Variants in EYS observed in about 807,000 individuals in gnomAD.
The protein encoded by EYS is protein eyes shut homolog.
EYS carries 250 observed loss-of-function variants against 282.1 expected under a neutral mutation model. That is an observed-to-expected ratio of 0.89 (90% CI 0.80 to 0.98). EYS has a LOEUF of 0.98. Ranked by LOEUF, EYS falls within the 50% of genes least tolerant of loss-of-function variation. The probability of loss-of-function intolerance (pLI) is 0.00; values close to 1 mark genes in which losing one functional copy is unlikely to be tolerated. For synonymous variants in EYS, 1,355 were observed against 1,282.9 expected, an observed-to-expected ratio of 1.06 and a Z score of -1.20; for missense variants, 4,016 against 3,709.0, an observed-to-expected ratio of 1.08 and a Z score of -2.15.
chr6:64,427,559 A>T (rs537865393), intron 28 of EYS, among the ~76,000 whole-genome samples: 19 of 152,252 alleles, frequency 1.2e-4, no homozygotes, highest in South Asian at 2.1e-4. Flanking sequence ...ATTATATATT[A>T]AAAAAGGCCA....
intron 26 of EYS, among the ~76,000 whole-genome samples, chr6:64,476,403 T>A (rs1776267393): frequency 2.0e-5 from 3 of 152,058 alleles, no homozygotes; most frequent in Admixed American, 6.6e-5. Context: ...GTTTCTCCAC[T>A]TCCAGATTTA....
At chr6:64,449,382 G>A (rs1443201480) in intron 26 of EYS, among the ~76,000 whole-genome samples, 2 of 152,136 alleles carry the variant, frequency 1.3e-5, no homozygotes, top group Non-Finnish European at 2.9e-5. Context: ...ACGTCTCATT[G>A]GTGTACCTGA....
intron 7 of EYS, among the ~76,000 whole-genome samples, chr6:65,394,762 A>G (rs1486617767): frequency 6.6e-6 from 1 of 152,050 alleles, no homozygotes; most frequent in Non-Finnish European, 1.5e-5. Flanking sequence ...CACTTCTTTC[A>G]TATTCTTCTT....
chr6:64,724,799 A>G (rs1439448617), intron 22 of EYS, among the ~76,000 whole-genome samples: 2 of 152,186 alleles, frequency 1.3e-5, no homozygotes, highest in Non-Finnish European at 2.9e-5. Context: ...CAAAATTAAA[A>G]CAAATAGGTA....
intron 40 of EYS, among the ~76,000 whole-genome samples, chr6:63,769,370 C>T (rs1462063617): frequency 6.6e-6 from 1 of 151,814 alleles, no homozygotes. Flanking sequence ...ATTAAATAGA[C>T]TAGCAGGCAA....
intron 26 of EYS, among the ~76,000 whole-genome samples, chr6:64,462,834 C>A (rs2150486341): frequency 1.3e-5 from 2 of 151,958 alleles, no homozygotes; most frequent in East Asian, 3.9e-4. Flanking sequence ...TTATCTTTAA[C>A]TGGAATGCTA....
At chr6:64,349,313 T>C (rs1253402943) in intron 29 of EYS, among the ~76,000 whole-genome samples, 6 of 151,170 alleles carry the variant, frequency 4.0e-5, no homozygotes, top group African/African-American at 1.5e-4. Flanking sequence ...TAATATGTAT[T>C]TTAGAGATAT....
intron 30 of EYS, among the ~76,000 whole-genome samples, chr6:64,286,398 C>T (rs1055258324): frequency 2.0e-5 from 3 of 152,128 alleles, no homozygotes; most frequent in African/African-American, 7.2e-5. Context: ...ATTGTCTGCA[C>T]TTTAAATCTT....
In EYS at chr6:65,542,691, G is replaced by T. The variant is rs530702497; in HGVS notation, c.-332-46698C>A. ...GTTATTTAAGGGATGGCTCAAAGAT[G>T]ATTTATAACCCCAACTCTATTTCAA... On this transcript the variant is annotated intron_variant, in intron 2 of 42. Transcript: ENST00000503581. 4.6e-5 allele frequency among the ~76,000 whole-genome samples: 7 copies of T among 152,118 alleles called. No homozygotes were observed. In the South Asian group the frequency reaches 1.5e-3, roughly 32 times the overall value.
At chr6:64,949,262 C>A (rs1019559630) in intron 14 of EYS, among the ~76,000 whole-genome samples, 1 of 151,864 alleles carries the variant, frequency 6.6e-6, no homozygotes, top group Non-Finnish European at 1.5e-5. Flanking sequence ...CCTTTGCTTT[C>A]GGTCTCACCA....
At chr6:64,646,529 C>A (rs1768356596) in intron 22 of EYS, among the ~76,000 whole-genome samples, 1 of 152,064 alleles carries the variant, frequency 6.6e-6, no homozygotes, top group East Asian at 1.9e-4. Flanking sequence ...ATAGGCAGGG[C>A]GCGGTGACTC....
intron 11 of EYS, chr6:65,301,081 G>A (rs1000052502): frequency 1.3e-5 from 2 of 152,120 alleles, no homozygotes; most frequent in Non-Finnish European, 1.5e-5. Flanking sequence ...TCGAGTATTC[G>A]GCTTATTTAG....
At chr6:65,641,289 T>G (rs890616300) in intron 1 of EYS, among the ~76,000 whole-genome samples, 4 of 152,216 alleles carry the variant, frequency 2.6e-5, no homozygotes, top group African/African-American at 9.6e-5. Flanking sequence ...ACTCTGCATT[T>G]GTAATATTCA....
At chr6:64,505,434 G>C (rs998460208) in intron 26 of EYS, among the ~76,000 whole-genome samples, 23 of 152,036 alleles carry the variant, frequency 1.5e-4, no homozygotes, top group Non-Finnish European at 3.4e-4. Flanking sequence ...CACTGCTTTC[G>C]TATTTCAGGC....
At position 65,111,123 on chromosome 6, in the gene EYS, T is replaced by TA. The variant is rs994812566; in HGVS notation, c.2024-53397dup. 2.7e-4 allele frequency among the ~76,000 whole-genome samples: 41 copies of TA among 151,960 alleles called. 1 individual carries two copies. Among genetic ancestry groups the TA allele is most frequent in the African/African-American group, 9.6e-4 (40 of 41,478 alleles). Reference sequence around the variant, plus strand: ...AATATTTTATTTTTAGTAATTACATTAAAAAAAAGAAGACATTTTCAAGAT... The same window carrying TA: ...AATATTTTATTTTTAGTAATTACATTAAAAAAAAAGAAGACATTTTCAAGAT... On this transcript the variant is annotated intron_variant, in intron 12 of 42. Coordinates refer to ENST00000503581, the MANE Select transcript of EYS (RefSeq NM_001142800.2).
chr6:64,389,941 C>T (rs1290690481), intron 28 of EYS, among the ~76,000 whole-genome samples: 2 of 150,752 alleles, frequency 1.3e-5, no homozygotes, highest in East Asian at 3.9e-4. Flanking sequence ...CGAAGCAGGG[C>T]AAGGCATTGC....
At chr6:65,666,195 G>A (rs952535586) in intron 1 of EYS, among the ~76,000 whole-genome samples, 1 of 151,686 alleles carries the variant, frequency 6.6e-6, no homozygotes, top group Admixed American at 6.6e-5. Context: ...AATAGTATGT[G>A]TGTACAAAAA....
At chr6:64,203,286 C>T (rs1180876189) in intron 31 of EYS, among the ~76,000 whole-genome samples, 1 of 152,152 alleles carries the variant, frequency 6.6e-6, no homozygotes, top group Non-Finnish European at 1.5e-5. Flanking sequence ...TTAAATGAAG[C>T]TAAAGAGTTC....
chr6:65,225,070 A>C (rs901837006), intron 12 of EYS, among the ~76,000 whole-genome samples: 3 of 152,044 alleles, frequency 2.0e-5, no homozygotes, highest in African/African-American at 7.2e-5. Context: ...TTTCTAGCTC[A>C]TTCTGTGAGG....
Sources: allele counts gnomAD v4.1 joint callset (sites outside exome capture counted in the v4.1 genomes callset), GRCh38; gene constraint gnomAD v4.1.1; transcripts MANE v1.5; gene names NCBI Gene and HGNC (gene_info 2026-07-23, HGNC 2026-07-21).